Variants in GMEB1 observed in about 807,000 individuals in gnomAD.
GMEB1 encodes the protein glucocorticoid modulatory element-binding protein 1.
In GMEB1, 6 loss-of-function variants were observed where a neutral mutation model predicts 52.4. The ratio of observed to expected loss-of-function variants is 0.11; its 90% CI spans 0.06 to 0.23. GMEB1 has a LOEUF of 0.23. GMEB1 is among the 10% of genes least tolerant of loss of function. The pLI is 1.00. For missense variants in GMEB1, 486 were observed against 685.6 expected (o/e 0.71, Z 3.25); for synonymous variants, 255 against 244.9 (o/e 1.04, Z -0.38).
chr1:28,706,426 G>A (rs1212231504), intron 8 of GMEB1, among the ~76,000 whole-genome samples: 3 of 151,902 alleles, frequency 2.0e-5, no homozygotes, highest in African/African-American at 7.2e-5. Context: ...CCAGCATGGT[G>A]AAACCCTGTC....
chr1:28,710,674 TATC>T (rs1480968306), intron 9 of GMEB1, 32 bp downstream of exon 9: 11 of 1,440,474 alleles, frequency 7.6e-6, no homozygotes, highest in Non-Finnish European at 9.2e-6. Context: ...TCTTCGGTGA[TATC>T]ATGCTAATAT....
chr1:28,681,859 C>A (rs187475470), intron 1 of GMEB1, among the ~76,000 whole-genome samples: 7 of 152,104 alleles, frequency 4.6e-5, no homozygotes, highest in African/African-American at 1.7e-4. Context: ...TGTACCACCG[C>A]GCCAGGCCAA....
At chr1:28,693,490 T>G (rs1670057975) in intron 5 of GMEB1, among the ~76,000 whole-genome samples, 1 of 151,966 alleles carries the variant, frequency 6.6e-6, no homozygotes, top group South Asian at 2.1e-4. Context: ...ATGCTGGGTT[T>G]ACAGGCATGA....
At chr1:28,669,760 C>T (rs531472437) in intron 1 of GMEB1, among the ~76,000 whole-genome samples, 4 of 152,276 alleles carry the variant, frequency 2.6e-5, no homozygotes, top group South Asian at 2.1e-4. Context: ...AGAAACCTAT[C>T]TTTTTGAGAG....
chr1:28,697,460 G>A (rs955467649), intron 6 of GMEB1, among the ~76,000 whole-genome samples: 4 of 151,780 alleles, frequency 2.6e-5, no homozygotes, highest in South Asian at 2.1e-4. Flanking sequence ...CGCCCACCTC[G>A]GCCTCCCGAA....
intron 2 of GMEB1, among the ~76,000 whole-genome samples, chr1:28,686,678 T>C (rs1274567329): frequency 2.6e-5 from 4 of 151,814 alleles, no homozygotes; most frequent in African/African-American, 7.3e-5. Flanking sequence ...AATGTATTCT[T>C]TTAAGAGATT....
At chr1:28,670,255 C>T (rs1397440965) in intron 1 of GMEB1, among the ~76,000 whole-genome samples, 1 of 152,114 alleles carries the variant, frequency 6.6e-6, no homozygotes, top group African/African-American at 2.4e-5. Flanking sequence ...TGGGTTCAAA[C>T]GATTCTCCTG....
At chr1:28,671,570 T>C (rs1272867425) in intron 1 of GMEB1, among the ~76,000 whole-genome samples, 3 of 151,928 alleles carry the variant, frequency 2.0e-5, no homozygotes, top group African/African-American at 7.3e-5. Context: ...TGAAACCCCG[T>C]CTCTACAAAA....
At chr1:28,679,945 A>G (rs1185919704) in intron 1 of GMEB1, among the ~76,000 whole-genome samples, 1 of 152,056 alleles carries the variant, frequency 6.6e-6, no homozygotes, top group African/African-American at 2.4e-5. Flanking sequence ...AGCTGGGATT[A>G]TAGGCAAGCG....
At chr1:28,678,747 C>T (rs180818330) in intron 1 of GMEB1, among the ~76,000 whole-genome samples, 25 of 151,886 alleles carry the variant, frequency 1.6e-4, no homozygotes, top group African/African-American at 5.1e-4. Context: ...TTACCACACC[C>T]GGTTAATTTT....
intron 6 of GMEB1, among the ~76,000 whole-genome samples, chr1:28,697,285 T>C (rs7538376): frequency 0.39 from 57,915 of 150,044 alleles, 12,531 homozygotes; most frequent in East Asian, 0.76. Context: ...CTCAGCTCAC[T>C]GCAACCTCTG....
intron 6 of GMEB1, 69 bp from the exon 7 acceptor site, chr1:28,702,369 A>G (rs763420792): frequency 2.3e-6 from 3 of 1,279,782 alleles, no homozygotes; most frequent in Non-Finnish European, 3.3e-6. Context: ...GCTATTGAGT[A>G]TGAGATATAG....
chr1:28,702,509 A>C lies in GMEB1; in HGVS notation c.670A>C (p.Thr224Pro). ...AGGGCTGGAATGGAACTCAGCTCTC[A>C]CCGCTGCTGTCACCATGGCCACGGA... ...EAGLEWNSAL[T>P]AAVTMATEEG... Residue 224 changes from threonine (T) to proline (P), a missense_variant, in exon 7 of 10, where the codon ACC becomes CCC. By Grantham distance (38) the Thr-to-Pro change is conservative. Transcript: ENST00000373816. The C allele has an allele frequency of 6.2e-7, 1 of 1,613,658 alleles. No homozygotes were observed. The highest frequency in any genetic ancestry group is 8.5e-7 in the Non-Finnish European group (1 of 1,179,626).
At position 28,684,335 on chromosome 1, in the gene GMEB1, G is replaced by A. The variant is rs1021710149; in HGVS notation, c.128+595G>A. 7.2e-5 allele frequency among the ~76,000 whole-genome samples: 11 copies of A among 151,896 alleles called. 1 individual carries two copies. In the South Asian group the frequency reaches 8.3e-4, roughly 11 times the overall value. On this transcript the variant is annotated intron_variant, in intron 2 of 9. Coordinates refer to ENST00000373816, the MANE Select transcript of GMEB1 (RefSeq NM_001319674.2). ...TCCCAGCACTTTGGGAGGCCGAGGC[G>A]CGTGGATCATGAGGTCAGGAGATCA...
chr1:28,688,097 C>G (rs1233214880), intron 2 of GMEB1, among the ~76,000 whole-genome samples: 1 of 152,090 alleles, frequency 6.6e-6, no homozygotes, highest in Non-Finnish European at 1.5e-5. Flanking sequence ...CCAGCCTGAC[C>G]AACATGGAGA....
Position 28,718,764 on chromosome 1 carries a change from A to G in GMEB1, c.*3991A>G, listed in dbSNP as rs995617717. 2.6e-5 allele frequency: 4 copies of G among 152,156 alleles called. No individual in the cohort carries two copies. Among genetic ancestry groups the G allele is most frequent in the African/African-American group, 9.7e-5 (4 of 41,416 alleles). The allele number at this position is 152,156 out of a possible 1,614,324, so 9.4% of individuals were successfully genotyped here. A position where few individuals can be genotyped will look rare whatever the true frequency, so the allele number is the denominator to read the frequency against. Reference sequence around the variant, plus strand: ...TTACTGAGGTACTGAAACAGATCCTACTGCGTAAGTGCTGTGTGTGATAGG... The same window carrying G: ...TTACTGAGGTACTGAAACAGATCCTGCTGCGTAAGTGCTGTGTGTGATAGG... On this transcript the variant is annotated 3_prime_UTR_variant, in exon 10 of 10. Coordinates refer to ENST00000373816, the MANE Select transcript of GMEB1 (RefSeq NM_001319674.2).
chr1:28,679,291 C>T (rs937515716), intron 1 of GMEB1, among the ~76,000 whole-genome samples: 1 of 152,060 alleles, frequency 6.6e-6, no homozygotes, highest in Non-Finnish European at 1.5e-5. Flanking sequence ...AATTCTCCTC[C>T]CTCAGCCTCC....
At chr1:28,670,124 A>G (rs764747836) in intron 1 of GMEB1, among the ~76,000 whole-genome samples, 3 of 151,456 alleles carry the variant, frequency 2.0e-5, no homozygotes. Context: ...GCCTCTTCTA[A>G]TAGTTACCAA....
intron 1 of GMEB1, among the ~76,000 whole-genome samples, chr1:28,675,477 T>G (rs1475299542): frequency 6.6e-6 from 1 of 151,826 alleles, no homozygotes; most frequent in Non-Finnish European, 1.5e-5. Context: ...CCAGGAGTTC[T>G]GACACCAGCC....
Sources: allele counts gnomAD v4.1 joint callset (sites outside exome capture counted in the v4.1 genomes callset), GRCh38; gene constraint gnomAD v4.1.1; transcripts MANE v1.5; gene names NCBI Gene and HGNC (gene_info 2026-07-23, HGNC 2026-07-21).